TLK1: variants seen among roughly 807,000 people sequenced by gnomAD.
TLK1 encodes the protein tousled like kinase 1.
In TLK1, 24 loss-of-function variants were observed where a neutral mutation model predicts 105.3. The observed-to-expected ratio is 0.23, with a 90% CI of 0.17 to 0.32. The LOEUF is 0.32. Ranked by LOEUF, TLK1 falls within the 10% of genes least tolerant of loss-of-function variation. The probability of loss-of-function intolerance (pLI) is 1.00; values close to 1 mark genes in which losing one functional copy is unlikely to be tolerated. For missense variants in TLK1, 558 were observed against 910.5 expected (o/e 0.61, Z 4.98); for synonymous variants, 321 against 310.4 (o/e 1.03, Z -0.36).
intron 1 of TLK1, among the ~76,000 whole-genome samples, chr2:171,149,025 T>C (rs536190203): frequency 1.3e-5 from 2 of 149,986 alleles, no homozygotes; most frequent in East Asian, 3.9e-4. Flanking sequence ...GTTGTTGGTC[T>C]CATTTCTTGT....
At chr2:171,102,711 A>T (rs562325709) in intron 2 of TLK1, among the ~76,000 whole-genome samples, 1 of 152,216 alleles carries the variant, frequency 6.6e-6, no homozygotes, top group Non-Finnish European at 1.5e-5. Context: ...AAAAACGTCT[A>T]TCATTATACC....
At chr2:171,040,001 A>G (rs531977547) in intron 11 of TLK1, among the ~76,000 whole-genome samples, 4 of 152,282 alleles carry the variant, frequency 2.6e-5, no homozygotes, top group African/African-American at 9.6e-5. Context: ...AACACTCACT[A>G]TGCAAGACAA....
At chr2:171,128,583 T>C (rs1690964935) in intron 1 of TLK1, among the ~76,000 whole-genome samples, 1 of 152,210 alleles carries the variant, frequency 6.6e-6, no homozygotes, top group Admixed American at 6.5e-5. Context: ...TTCCTGGGGT[T>C]AGAAGTTCCT....
intron 1 of TLK1, among the ~76,000 whole-genome samples, chr2:171,120,198 G>A (rs1419698263): frequency 7.0e-6 from 1 of 143,014 alleles, no homozygotes; most frequent in South Asian, 2.2e-4. Flanking sequence ...GCAGTGAATC[G>A]AGGTCGTACC....
In TLK1 at chr2:171,165,903, C is replaced by A. The variant is rs568426344; in HGVS notation, c.-5-48046G>T. ...TCCAGCCTGGGCAACAGAGGGAGAC[C>A]CCATCTCAAAAAAAAGAAATGAGTC... On this transcript the variant is annotated intron_variant, in intron 1 of 20. Transcript: ENST00000521943. Among the ~76,000 whole-genome samples, 3 of 152,020 alleles carry A rather than the reference C, an allele frequency of 2.0e-5. No homozygotes were observed. In the South Asian group the frequency reaches 6.2e-4, roughly 32 times the overall value.
chr2:171,184,884 G>A (rs1000320768), intron 1 of TLK1, among the ~76,000 whole-genome samples: 3 of 151,934 alleles, frequency 2.0e-5, no homozygotes, highest in African/African-American at 7.3e-5. Context: ...TGTCACCCAG[G>A]CTGGAGTGCA....
intron 2 of TLK1, among the ~76,000 whole-genome samples, 189 bp downstream of exon 2, chr2:171,117,550 T>C (rs1690486494): frequency 6.6e-6 from 1 of 152,246 alleles, no homozygotes; most frequent in African/African-American, 2.4e-5. Context: ...AAACATATTA[T>C]GCTGTATTAT....
chr2:171,205,788 C>T (rs1693495395), intron 1 of TLK1, among the ~76,000 whole-genome samples: 1 of 152,168 alleles, frequency 6.6e-6, no homozygotes, highest in South Asian at 2.1e-4. Flanking sequence ...TGTTATTTTA[C>T]AGACTGAGTT....
chr2:171,188,993 C>T (rs909402185), intron 1 of TLK1, among the ~76,000 whole-genome samples: 2 of 151,678 alleles, frequency 1.3e-5, no homozygotes, highest in Non-Finnish European at 2.9e-5. Context: ...TAATAAGAAC[C>T]AATAATTATT....
At chr2:171,086,177 T>C (rs540321999) in intron 2 of TLK1, among the ~76,000 whole-genome samples, 4 of 152,282 alleles carry the variant, frequency 2.6e-5, no homozygotes, top group South Asian at 4.1e-4. Context: ...AAAATATAAG[T>C]AGGTAGGTAG....
In TLK1 at chr2:171,046,330, T is replaced by A; in HGVS notation, c.1013A>T (p.Asp338Val). Residue 338 changes from aspartate (D) to valine (V), a missense_variant, in exon 11 of 21, where the codon GAT becomes GTT. Coordinates refer to ENST00000431350, the MANE Select transcript of TLK1 (RefSeq NM_012290.5). The part of the protein sequence containing the change: ...QQEWVNQQRE[D>V]IERQRKLLAK... ...TAGAAGTTTCCTTTGCCTTTCAATA[T>A]CTTCCCTTTGCTGATTCACCCATTC... 6.2e-7 allele frequency: 1 copy of A among 1,611,704 alleles called. No individual in the cohort carries two copies. The highest frequency in any genetic ancestry group is 8.5e-7 in the Non-Finnish European group (1 of 1,179,072).
In TLK1 at chr2:171,160,731, G is replaced by T. The variant is rs370760456; in HGVS notation, c.-303C>A. 1.8e-5 allele frequency: 8 copies of T among 452,934 alleles called. No homozygotes were observed. The highest frequency in any genetic ancestry group is 1.7e-4 in the South Asian group (3 of 17,254). 28.1% of individuals were successfully genotyped at this position (452,934 alleles called of 1,614,324 possible). The stretch of plus-strand genomic sequence containing the variant: ...CGGAGGCGTCGAGGGGGTGCCAGCC[G>T]GGCCGGGGTCGGAGCGCGGGCGGAG... On this transcript the variant is annotated 5_prime_UTR_variant, in exon 1 of 21. Coordinates refer to ENST00000431350, the MANE Select transcript of TLK1 (RefSeq NM_012290.5). The surrounding 1 kb of genome is among the most constrained non-coding windows in gnomAD (Gnocchi z 4.4).
At chr2:171,158,595 C>CGAAT (rs370984092) in intron 1 of TLK1, among the ~76,000 whole-genome samples, 82 of 151,908 alleles carry the variant, frequency 5.4e-4, no homozygotes, top group Middle Eastern at 3.4e-3. Flanking sequence ...ATTCGAGAAA[C>CGAAT]GAATGAATGA....
At position 170,992,457 on chromosome 2, in the gene TLK1, G is replaced by A. The variant is rs1345416664; in HGVS notation, c.*1323C>T. The A allele has an allele frequency of 6.6e-6, 1 of 152,516 alleles. No individual in the cohort carries two copies. Among genetic ancestry groups the A allele is most frequent in the Non-Finnish European group, 1.5e-5 (1 of 67,998 alleles). 9.4% of individuals were successfully genotyped at this position (152,516 alleles called of 1,614,324 possible). A position where few individuals can be genotyped will look rare whatever the true frequency, so the allele number is the denominator to read the frequency against. On this transcript the variant is annotated 3_prime_UTR_variant, in exon 21 of 21. Transcript: ENST00000431350. ...AAAAATATTGGTTTCTACCCTACGA[G>A]GCAGTTAGAAAACGTTCACATTTTA...
intron 1 of TLK1, among the ~76,000 whole-genome samples, chr2:171,141,906 AC>A (rs1416065749): frequency 6.6e-6 from 1 of 152,186 alleles, no homozygotes; most frequent in African/African-American, 2.4e-5. Flanking sequence ...GAGTATATAA[AC>A]AAATTTAAAT....
At chr2:171,048,834 C>G (rs1265452724) in intron 10 of TLK1, among the ~76,000 whole-genome samples, 1 of 152,190 alleles carries the variant, frequency 6.6e-6, no homozygotes, top group Non-Finnish European at 1.5e-5. Context: ...ACTGGATACT[C>G]TGGAAAAGCT....
chr2:171,179,001 C>T (rs1039940191), intron 1 of TLK1, among the ~76,000 whole-genome samples: 1 of 152,134 alleles, frequency 6.6e-6, no homozygotes, highest in African/African-American at 2.4e-5. Flanking sequence ...TAGCTTGCAC[C>T]TGCTCTAGTT....
At chr2:171,182,947 G>GAAA (rs1447556875) in intron 1 of TLK1, among the ~76,000 whole-genome samples, 1 of 148,698 alleles carries the variant, frequency 6.7e-6, no homozygotes, top group Non-Finnish European at 1.5e-5. Context: ...AAGAAAGAAA[G>GAAA]AAAGAAAGAA....
intron 1 of TLK1, among the ~76,000 whole-genome samples, chr2:171,137,873 A>T (rs10170369): frequency 0.24 from 35,833 of 151,316 alleles, 4,494 homozygotes; most frequent in Middle Eastern, 0.34. Context: ...TAAAATAAAA[A>T]AGTAAAAAAT....
Sources: gnomAD v4.1 joint callset for allele counts (sites outside exome capture counted in the v4.1 genomes callset) on GRCh38, gnomAD v4.1.1 for gene constraint, Gnocchi (gnomAD v3.1) non-coding constraint, MANE v1.5 for transcripts, NCBI Gene and HGNC (gene_info 2026-07-23, HGNC 2026-07-21) for gene names.